The following SIM2 variants were observed in gnomAD, a reference collection of about 807,000 sequenced individuals.
SIM2 encodes the protein single-minded homolog 2.
A neutral mutation model predicts 64.8 loss-of-function variants in SIM2; 28 were observed. The ratio of observed to expected loss-of-function variants is 0.43; its 90% CI spans 0.32 to 0.59. SIM2 has a LOEUF of 0.59. SIM2 is among the 20% of genes least tolerant of loss of function. SIM2 has a pLI of 0.07. For synonymous variants in SIM2, 408 were observed against 391.1 expected (o/e 1.04, Z -0.51); for missense variants, 847 against 871.4 (o/e 0.97, Z 0.35).
At position 36,721,070 on chromosome 21, in the gene SIM2, GCA is replaced by G. The variant is rs773675572; in HGVS notation, c.457+1148_457+1149del. ...GGCTGGGAAGAGAGAATACAAAATA[GCA>G]CACACAGTTGTAAAATCCCTTGCAG... On this transcript the variant is annotated intron_variant, in intron 4 of 10. Transcript: ENST00000290399. Among the ~76,000 whole-genome samples the G allele has an allele frequency of 7.9e-5, 12 of 152,312 alleles. 1 individual carries two copies. The highest frequency in any genetic ancestry group is 3.9e-4 in the East Asian group (2 of 5,192).
intron 7 of SIM2, 26 bp downstream of exon 7, chr21:36,731,177 C>A (rs368492200): frequency 1.1e-5 from 17 of 1,576,432 alleles, no homozygotes; most frequent in Non-Finnish European, 1.3e-5. Flanking sequence ...ACCCCAGCCA[C>A]GGGAGGTAGC....
chr21:36,738,796 G>T (rs1228656821), intron 7 of SIM2, among the ~76,000 whole-genome samples: 1 of 152,248 alleles, frequency 6.6e-6, no homozygotes, highest in African/African-American at 2.4e-5. Context: ...GAGAAGCATT[G>T]TCAGGCTTCT....
Position 36,709,270 on chromosome 21 carries a change from G to T in SIM2, c.258+20G>T, listed in dbSNP as rs753562194. On this transcript the variant is annotated intron_variant, in intron 2 of 10. Transcript: ENST00000290399. Reference sequence around the variant, plus strand: ...CTGCAGGTAGAGCGGCCTCGCCGGGGGAGGAGCGCAGCCGCCGCAGGCTCC... The same window carrying T: ...CTGCAGGTAGAGCGGCCTCGCCGGGTGAGGAGCGCAGCCGCCGCAGGCTCC... The T allele has an allele frequency of 6.4e-7, 1 of 1,573,880 alleles. No homozygotes were observed. Among genetic ancestry groups the T allele is most frequent in the Non-Finnish European group, 8.6e-7 (1 of 1,160,132 alleles).
intron 7 of SIM2, among the ~76,000 whole-genome samples, chr21:36,737,434 C>T (rs2089079958): frequency 6.6e-6 from 1 of 152,180 alleles, no homozygotes; most frequent in African/African-American, 2.4e-5. Flanking sequence ...GGGGAGCTGG[C>T]AAAGGCTTGT....
chr21:36,727,618 G>A (rs1344772676), intron 6 of SIM2, among the ~76,000 whole-genome samples: 1 of 152,198 alleles, frequency 6.6e-6, no homozygotes, highest in Non-Finnish European at 1.5e-5. Context: ...GGCCACTTTA[G>A]CTCTTGGCAG....
At chr21:36,732,827 A>G (rs2088989212) in intron 7 of SIM2, among the ~76,000 whole-genome samples, 1 of 152,242 alleles carries the variant, frequency 6.6e-6, no homozygotes, top group South Asian at 2.1e-4. Context: ...TGTCAATTCT[A>G]GAATCAGATA....
chr21:36,738,111 G>A (rs1019163241), intron 7 of SIM2, among the ~76,000 whole-genome samples: 5 of 152,082 alleles, frequency 3.3e-5, no homozygotes, highest in Admixed American at 6.6e-5. Flanking sequence ...GTCTGAGCCT[G>A]CTGCATCTCT....
chr21:36,707,062 A>G (rs1234042005), intron 1 of SIM2, among the ~76,000 whole-genome samples: 1 of 152,256 alleles, frequency 6.6e-6, no homozygotes, highest in Non-Finnish European at 1.5e-5. Context: ...TCTTCCCGCC[A>G]TGGGCTTTGC....
chr21:36,743,617 G>C, intron 9 of SIM2, 62 bp downstream of exon 9: 2 of 1,476,630 alleles, frequency 1.4e-6, no homozygotes, highest in South Asian at 1.3e-5. Context: ...CGGGACACCT[G>C]GACACATTAA....
At chr21:36,705,217 A>G (rs1313131859) in intron 1 of SIM2, among the ~76,000 whole-genome samples, 2 of 152,202 alleles carry the variant, frequency 1.3e-5, no homozygotes, top group Non-Finnish European at 2.9e-5. Context: ...GCCCGCGCAG[A>G]AAGCTCCAGG....
At chr21:36,715,477 TA>T (rs1372421659) in intron 3 of SIM2, among the ~76,000 whole-genome samples, 2 of 152,238 alleles carry the variant, frequency 1.3e-5, no homozygotes, top group Non-Finnish European at 2.9e-5. Flanking sequence ...AAAGTGTTAA[TA>T]AAATTTTACC....
At position 36,747,729 on chromosome 21, in the gene SIM2, C is replaced by A; in HGVS notation, c.1641C>A (p.Gly547=). 2 of 1,260,840 alleles carry A rather than the reference C, an allele frequency of 1.6e-6. No homozygotes were observed. Among genetic ancestry groups the A allele is most frequent in the Non-Finnish European group, 1.0e-6 (1 of 1,000,794 alleles). The allele number at this position is 1,260,840 out of a possible 1,614,324, so 78.1% of individuals were successfully genotyped here. The change falls in exon 11 of 11, where the codon GGC becomes GGA. Residue 547 remains glycine, a synonymous_variant. Coordinates refer to ENST00000290399, the MANE Select transcript of SIM2 (RefSeq NM_005069.6). The surrounding 1 kb of genome is among the most constrained non-coding windows in gnomAD (Gnocchi z 4.5). ...DTAPPSFPSC[G]HYREEPALGP... is the part of the protein sequence containing the mutation. ...CGCCCCCGAGCTTCCCGAGCTGCGG[C>A]CACTACCGCGAGGAGCCCGCGCTGG...
Position 36,747,737 on chromosome 21 carries a change from G to A in SIM2, c.1649G>A (p.Arg550His). 1 of 1,237,936 alleles carries A rather than the reference G, an allele frequency of 8.1e-7. No homozygotes were observed. The highest frequency in any genetic ancestry group is 1.0e-6 in the Non-Finnish European group (1 of 988,526). 76.7% of individuals were successfully genotyped at this position (1,237,936 alleles called of 1,614,324 possible). ...AGCTTCCCGAGCTGCGGCCACTACC[G>A]CGAGGAGCCCGCGCTGGGCCCGGCC... ...PPSFPSCGHY[R>H]EEPALGPAKA... The change falls in exon 11 of 11, where the codon CGC becomes CAC. Residue 550 changes from arginine to histidine, a missense_variant. By Grantham distance (29) the Arg-to-His change is conservative. Transcript: ENST00000290399. The surrounding 1 kb of genome is among the most constrained non-coding windows in gnomAD (Gnocchi z 4.5).
chr21:36,733,849 C>T (rs2089008630), intron 7 of SIM2, among the ~76,000 whole-genome samples: 1 of 152,228 alleles, frequency 6.6e-6, no homozygotes, highest in Non-Finnish European at 1.5e-5. Context: ...GCGTGAGCCA[C>T]CATGCCCGGC....
chr21:36,743,773 A>T (rs1361757294), intron 9 of SIM2, among the ~76,000 whole-genome samples: 1 of 152,174 alleles, frequency 6.6e-6, no homozygotes, highest in Admixed American at 6.5e-5. Context: ...AGAAGACTAA[A>T]TTGGAAAGGC....
At chr21:36,744,312 A>AG (rs35690458) in intron 9 of SIM2, among the ~76,000 whole-genome samples, 2 of 72,348 alleles carry the variant, frequency 2.8e-5, no homozygotes, top group Admixed American at 2.5e-4. Context: ...ACATTATGAC[A>AG]AAAAAAAAAA....
chr21:36,749,090 G>A lies in SIM2; in HGVS notation c.*998G>A, dbSNP rs1284923634. 6.6e-6 allele frequency: 1 copy of A among 152,664 alleles called. No individual in the cohort carries two copies. Among genetic ancestry groups the A allele is most frequent in the Non-Finnish European group, 1.5e-5 (1 of 68,044 alleles). 9.5% of individuals were successfully genotyped at this position (152,664 alleles called of 1,614,324 possible). On this transcript the variant is annotated 3_prime_UTR_variant, in exon 11 of 11. Transcript: ENST00000290399. The stretch of plus-strand genomic sequence containing the variant: ...ACATTTTAAGCATTTTCTACACAGC[G>A]AGAAAACTTCGTAAGAACATGTTAC...
chr21:36,736,069 G>A (rs1167297795), intron 7 of SIM2, among the ~76,000 whole-genome samples: 1 of 152,178 alleles, frequency 6.6e-6, no homozygotes, highest in African/African-American at 2.4e-5. Flanking sequence ...GCTGCCCGAG[G>A]GATGCGGGGA....
intron 1 of SIM2, among the ~76,000 whole-genome samples, chr21:36,700,994 C>T (rs2088485877): frequency 6.6e-6 from 1 of 152,236 alleles, no homozygotes. Flanking sequence ...CACCTCCGAG[C>T]AGCAGGTCTG....
Sources: gnomAD v4.1 joint callset for allele counts (sites outside exome capture counted in the v4.1 genomes callset) on GRCh38, gnomAD v4.1.1 for gene constraint, Gnocchi (gnomAD v3.1) non-coding constraint, MANE v1.5 for transcripts, NCBI Gene and HGNC (gene_info 2026-07-23, HGNC 2026-07-21) for gene names.